The following ST6GAL2 variants were observed in gnomAD, a reference collection of about 807,000 sequenced individuals.
ST6GAL2 encodes ST6 beta-galactoside alpha-2,6-sialyltransferase 2, also known as beta-galactoside alpha-2,6-sialyltransferase 2.
A neutral mutation model predicts 37.5 loss-of-function variants in ST6GAL2; 24 were observed. That is an observed-to-expected ratio of 0.64 (90% CI 0.46 to 0.90). The LOEUF (loss-of-function observed/expected upper bound fraction) is 0.90. Ranked by LOEUF, ST6GAL2 falls within the 40% of genes least tolerant of loss-of-function variation. The probability of loss-of-function intolerance (pLI) is 0.00; values close to 1 mark genes in which losing one functional copy is unlikely to be tolerated. For missense variants in ST6GAL2, 715 were observed against 712.7 expected (o/e 1.00, Z -0.04); for synonymous variants, 306 against 295.1 (o/e 1.04, Z -0.38).
chr2:106,866,538 A>G (rs1442264751), intron 1 of ST6GAL2, among the ~76,000 whole-genome samples: 1 of 152,144 alleles, frequency 6.6e-6, no homozygotes, highest in East Asian at 1.9e-4. Flanking sequence ...TGAGTATGGT[A>G]CCTCTACGAC....
intron 1 of ST6GAL2, among the ~76,000 whole-genome samples, chr2:106,862,076 C>A (rs1378094712): frequency 1.3e-5 from 2 of 152,216 alleles, no homozygotes; most frequent in Non-Finnish European, 2.9e-5. Context: ...ACTAATCAAT[C>A]ATTTATTCAC....
chr2:106,829,711 C>T (rs913805445), intron 5 of ST6GAL2, among the ~76,000 whole-genome samples: 8 of 151,868 alleles, frequency 5.3e-5, no homozygotes, highest in African/African-American at 1.9e-4. Flanking sequence ...GTTAACCTAC[C>T]TTCCCTCCAA....
At chr2:106,808,270 G>T (rs1675490819) in intron 5 of ST6GAL2, among the ~76,000 whole-genome samples, 1 of 152,204 alleles carries the variant, frequency 6.6e-6, no homozygotes, top group African/African-American at 2.4e-5. Flanking sequence ...TCAAGGGGCT[G>T]CCTGGTGGAC....
intron 1 of ST6GAL2, among the ~76,000 whole-genome samples, chr2:106,873,082 A>T (rs1179181716): frequency 1.3e-5 from 2 of 152,180 alleles, no homozygotes; most frequent in East Asian, 3.9e-4. Flanking sequence ...AATTCTGAAA[A>T]TATACAAAGT....
chr2:106,878,676 G>C (rs1303058748), intron 1 of ST6GAL2, among the ~76,000 whole-genome samples: 1 of 152,138 alleles, frequency 6.6e-6, no homozygotes, highest in Non-Finnish European at 1.5e-5. Context: ...AAGTAACCTA[G>C]AAACAATTGA....
At chr2:106,868,845 G>A (rs947092335) in intron 1 of ST6GAL2, among the ~76,000 whole-genome samples, 9 of 152,032 alleles carry the variant, frequency 5.9e-5, no homozygotes, top group African/African-American at 1.9e-4. Context: ...ATGAATCACG[G>A]AGTGCAATAC....
intron 5 of ST6GAL2, among the ~76,000 whole-genome samples, chr2:106,829,143 A>T (rs190270723): frequency 6.6e-6 from 1 of 152,312 alleles, no homozygotes; most frequent in East Asian, 1.9e-4. Context: ...GTGAACAGGC[A>T]TGGGTGGTGG....
chr2:106,828,574 A>G (rs1356777246), intron 5 of ST6GAL2, among the ~76,000 whole-genome samples: 3 of 152,158 alleles, frequency 2.0e-5, no homozygotes, highest in Non-Finnish European at 4.4e-5. Context: ...ACAATACCAA[A>G]ACCCACTCTA....
At chr2:106,812,185 C>T (rs1406537895) in intron 5 of ST6GAL2, among the ~76,000 whole-genome samples, 1 of 152,120 alleles carries the variant, frequency 6.6e-6, no homozygotes, top group Non-Finnish European at 1.5e-5. Context: ...GCAATAACAC[C>T]ATGTGTGGAA....
At chr2:106,876,116 G>C (rs1398505645) in intron 1 of ST6GAL2, among the ~76,000 whole-genome samples, 1 of 151,104 alleles carries the variant, frequency 6.6e-6, no homozygotes, top group Non-Finnish European at 1.5e-5. Flanking sequence ...AAAAGTGCAA[G>C]TCACCATGCC....
At chr2:106,876,055 C>G (rs1453572253) in intron 1 of ST6GAL2, among the ~76,000 whole-genome samples, 1 of 152,150 alleles carries the variant, frequency 6.6e-6, no homozygotes, top group Non-Finnish European at 1.5e-5. Context: ...ATCTTGAACT[C>G]CTCTAGGCTC....
intron 5 of ST6GAL2, among the ~76,000 whole-genome samples, chr2:106,828,445 CAA>C (rs1462240771): frequency 6.6e-6 from 1 of 152,018 alleles, no homozygotes; most frequent in Admixed American, 6.5e-5. Context: ...GATTTGGAAA[CAA>C]AGAGTGTCAA....
Position 106,806,676 on chromosome 2 carries a change from T to C in ST6GAL2, c.*2A>G. 4 of 1,613,298 alleles carry C rather than the reference T, an allele frequency of 2.5e-6. No homozygotes were observed. The highest frequency in any genetic ancestry group is 3.4e-6 in the Non-Finnish European group (4 of 1,179,456). On this transcript the variant is annotated 3_prime_UTR_variant, in exon 6 of 6. Transcript: ENST00000409382. The stretch of plus-strand genomic sequence containing the variant: ...TGCACATTGATTCCCAAGAAACCCT[T>C]TTTAAGAGTGTGGAATGACTGGACT...
chr2:106,833,268 T>A (rs1197397448), intron 3 of ST6GAL2, among the ~76,000 whole-genome samples: 1 of 152,214 alleles, frequency 6.6e-6, no homozygotes, highest in East Asian at 1.9e-4. Flanking sequence ...ATGTTACAGA[T>A]GATATGTATT....
In ST6GAL2 at chr2:106,826,826, C is replaced by A. The variant is rs549593902; in HGVS notation, c.1318+3240G>T. On this transcript the variant is annotated intron_variant, in intron 5 of 5. Transcript: ENST00000409382. Reference sequence around the variant, plus strand: ...GAAAACAAAAGCACTATGAAGCCAACCATGTGTGCAGCTATGTGTATATAC... The same window carrying A: ...GAAAACAAAAGCACTATGAAGCCAAACATGTGTGCAGCTATGTGTATATAC... Among the ~76,000 whole-genome samples, 21 of 152,298 alleles carry A rather than the reference C, an allele frequency of 1.4e-4. No individual in the cohort carries two copies. In the East Asian group the frequency reaches 3.7e-3, roughly 27 times the overall value.
At chr2:106,861,296 T>C (rs879649271) in intron 1 of ST6GAL2, among the ~76,000 whole-genome samples, 8 of 152,218 alleles carry the variant, frequency 5.3e-5, no homozygotes, top group African/African-American at 1.7e-4. Context: ...CTGGCCCTTT[T>C]TCCTTACTGC....
At chr2:106,831,853 T>G (rs1676437743) in intron 4 of ST6GAL2, among the ~76,000 whole-genome samples, 1 of 152,206 alleles carries the variant, frequency 6.6e-6, no homozygotes, top group South Asian at 2.1e-4. Context: ...TCAAAGACGC[T>G]CATTTACAGA....
At position 106,843,062 on chromosome 2, in the gene ST6GAL2, G is replaced by C. The variant is rs1475327833; in HGVS notation, c.916C>G (p.Leu306Val). ...CAVVMSAGAI[L>V]NSSLGEEIDS... ...ATTTCCTCGCCCAAGGAAGAGTTGA[G>C]GATTGCGCCTGCAGACATGACGACA... Residue 306 changes from leucine (L) to valine (V), a missense_variant, in exon 2 of 6, where the codon CTC becomes GTC. Leu to Val is a conservative substitution (Grantham distance 32). Around this residue, in one of 3 missense-constraint regions of ST6GAL2, gnomAD observed 512 missense variants for 488.8 expected, o/e 1.05. Transcript: ENST00000409382. The C allele has an allele frequency of 6.8e-7, 1 of 1,475,276 alleles. No homozygotes were observed. The highest frequency in any genetic ancestry group is 9.0e-7 in the Non-Finnish European group (1 of 1,113,932). 91.4% of individuals were successfully genotyped at this position (1,475,276 alleles called of 1,614,324 possible). A position where few individuals can be genotyped will look rare whatever the true frequency, so the allele number is the denominator to read the frequency against.
intron 5 of ST6GAL2, among the ~76,000 whole-genome samples, chr2:106,808,715 T>C (rs1675506375): frequency 6.6e-6 from 1 of 152,216 alleles, no homozygotes; most frequent in Non-Finnish European, 1.5e-5. Flanking sequence ...ATGACTGCTC[T>C]CAAACATTTT....
Sources: allele counts gnomAD v4.1 joint callset (sites outside exome capture counted in the v4.1 genomes callset), GRCh38; gene constraint gnomAD v4.1.1; regional missense constraint gnomAD v4.1.1; transcripts MANE v1.5; gene names NCBI Gene and HGNC (gene_info 2026-07-23, HGNC 2026-07-21).